The following SASH1 variants were observed in gnomAD, a reference collection of about 807,000 sequenced individuals.
SASH1 encodes the protein SAM and SH3 domain containing 1, also known as SAM and SH3 domain-containing protein 1.
A neutral mutation model predicts 125.2 loss-of-function variants in SASH1; 44 were observed. The observed-to-expected ratio is 0.35, with a 90% CI of 0.28 to 0.45. The LOEUF (loss-of-function observed/expected upper bound fraction) is 0.45, where lower values mean the gene tolerates loss of function less well. Ranked by LOEUF, SASH1 falls within the 20% of genes least tolerant of loss-of-function variation. SASH1 has a pLI of 1.00. For synonymous variants in SASH1, 639 were observed against 649.1 expected (o/e 0.98, Z 0.24); for missense variants, 1,426 against 1,614.5 (o/e 0.88, Z 2.00).
chr6:148,390,062 A>T, intron 1 of SASH1, 72 bp from the exon 2 acceptor site: 1 of 1,563,288 alleles, frequency 6.4e-7, no homozygotes, highest in Non-Finnish European at 8.7e-7. Flanking sequence ...CTCTGCGTAG[A>T]GGGAGGTCCG....
At chr6:148,547,352 C>T (rs1782633644) in intron 19 of SASH1, among the ~76,000 whole-genome samples, 1 of 152,130 alleles carries the variant, frequency 6.6e-6, no homozygotes, top group Admixed American at 6.5e-5. Flanking sequence ...TCAGGTGGGA[C>T]AGAGCTGGGT....
chr6:148,482,750 G>A (rs186502864), intron 7 of SASH1, among the ~76,000 whole-genome samples: 6 of 147,060 alleles, frequency 4.1e-5, no homozygotes, highest in Admixed American at 1.4e-4. Flanking sequence ...GTGCAGTGGC[G>A]CGATCTTGGC....
chr6:148,220,773 G>A, the SASH1 span, among the ~76,000 whole-genome samples: 1 of 152,116 alleles, frequency 6.6e-6, no homozygotes, highest in Non-Finnish European at 1.5e-5. Flanking sequence ...AAATTACCAG[G>A]CATGGTGGCA....
At position 148,544,243 on chromosome 6, in the gene SASH1, C is replaced by T. The variant is rs551667335; in HGVS notation, c.2773C>T (p.Pro925Ser). 3.1e-6 allele frequency: 5 copies of T among 1,614,178 alleles called. No homozygotes were observed. In the South Asian group the frequency reaches 3.3e-5, roughly 11 times the overall value. ...IAASGRGLSP[P>S]QCLPRNYDAQ... ...AGCCTCTGGTCGCGGCCTGTCACCC[C>T]CTCAGTGTTTGCCCAGAAACTATGA... The change falls in exon 18 of 20, where the codon CCT (proline) becomes TCT (serine). Residue 925 changes from proline (P) to serine (S), a missense_variant. Coordinates refer to ENST00000367467, the MANE Select transcript of SASH1 (RefSeq NM_015278.5). This position sits in a 1 kb window ranked among gnomAD's most constrained non-coding sequence, Gnocchi z 6.4.
chr6:148,277,109 CTAG>C (rs769275181), intron 1 of SASH1, among the ~76,000 whole-genome samples: 1 of 152,286 alleles, frequency 6.6e-6, no homozygotes. Context: ...AGTCCCATAA[CTAG>C]GATATATGGG....
At chr6:148,308,417 T>TTTAC (rs1780203295) in intron 1 of SASH1, among the ~76,000 whole-genome samples, 1 of 147,860 alleles carries the variant, frequency 6.8e-6, no homozygotes. Context: ...TTTTTTGAGA[T>TTTAC]GGAGTTTCAC....
In SASH1 at chr6:148,487,645, C is replaced by T. The variant is rs746000133; in HGVS notation, c.659C>T (p.Ser220Leu). Reference sequence around the variant, plus strand: ...GAATACGAGGCCCAGCACCGGCAGTCGGCTGCCCTGGACCCTGCTGACTGG... The same window carrying T: ...GAATACGAGGCCCAGCACCGGCAGTTGGCTGCCCTGGACCCTGCTGACTGG... ...LKEYEAQHRQSAALDPADWPD... is the reference protein window; with the variant it reads ...LKEYEAQHRQLAALDPADWPD... Residue 220 changes from serine (S) to leucine (L), a missense_variant, in exon 8 of 20, where the codon TCG becomes TTG. By Grantham distance (145) the Ser-to-Leu change is moderately radical. Around this residue, in one of 3 missense-constraint regions of SASH1, gnomAD observed 567 missense variants for 575.6 expected, o/e 0.99. Coordinates refer to ENST00000367467, the MANE Select transcript of SASH1 (RefSeq NM_015278.5). 3.7e-6 allele frequency: 6 copies of T among 1,613,432 alleles called. No homozygotes were observed. Among genetic ancestry groups the T allele is most frequent in the Admixed American group, 1.7e-5 (1 of 59,942 alleles).
upstream of SASH1, among the ~76,000 whole-genome samples, chr6:148,341,057 C>T (rs1781304724): frequency 6.6e-6 from 1 of 152,116 alleles, no homozygotes; most frequent in African/African-American, 2.4e-5. Flanking sequence ...ATTGCTTGAG[C>T]CCAGGAGTTC....
chr6:148,387,920 T>C (rs1487073951), intron 1 of SASH1, among the ~76,000 whole-genome samples: 1 of 132,530 alleles, frequency 7.5e-6, no homozygotes, highest in Non-Finnish European at 1.6e-5. Context: ...TTTTTTTTTT[T>C]TTTTTTTTTT....
chr6:148,410,267 C>T lies in SASH1; in HGVS notation c.285+20005C>T, dbSNP rs190892285. On this transcript the variant is annotated intron_variant, in intron 2 of 19. Transcript: ENST00000367467. ...CTGAGATTACAGGCGCCCGCCACCACGCCCAGCTAATTTTTGTATTTTTAG... is the reference window on the plus strand; with the variant it reads ...CTGAGATTACAGGCGCCCGCCACCATGCCCAGCTAATTTTTGTATTTTTAG... 5.2e-3 allele frequency among the ~76,000 whole-genome samples: 783 copies of T among 151,654 alleles called. 7 individuals are homozygous for T. The highest frequency in any genetic ancestry group is 0.018 in the African/African-American group (752 of 41,368).
At chr6:148,437,335 A>G (rs1204110620) in intron 2 of SASH1, among the ~76,000 whole-genome samples, 1 of 152,198 alleles carries the variant, frequency 6.6e-6, no homozygotes, top group Non-Finnish European at 1.5e-5. Context: ...TGATGACTGT[A>G]ATCTCTTATC....
chr6:148,368,783 C>CACACACACAG (rs1782591959), intron 1 of SASH1, among the ~76,000 whole-genome samples: 1 of 147,020 alleles, frequency 6.8e-6, no homozygotes, highest in African/African-American at 2.6e-5. Flanking sequence ...CACACACACA[C>CACACACACAG]ACACACACAC....
chr6:148,487,203 C>T (rs567924352), intron 7 of SASH1, among the ~76,000 whole-genome samples: 105 of 150,236 alleles, frequency 7.0e-4, no homozygotes, highest in South Asian at 6.2e-3. Flanking sequence ...CTAAAAAGGG[C>T]ATGCATGTTT....
intron 2 of SASH1, among the ~76,000 whole-genome samples, chr6:148,398,527 A>G (rs1450660440): frequency 1.3e-5 from 2 of 152,172 alleles, no homozygotes; most frequent in Non-Finnish European, 2.9e-5. Flanking sequence ...GTTTTTAAGG[A>G]ACACAGGTCT....
At chr6:148,454,477 G>C (rs1018926914) in intron 4 of SASH1, among the ~76,000 whole-genome samples, 2 of 152,216 alleles carry the variant, frequency 1.3e-5, no homozygotes, top group Non-Finnish European at 2.9e-5. Flanking sequence ...AATCGTCACA[G>C]GTTCCCATAG....
At chr6:148,309,954 A>G (rs1204528431) in intron 1 of SASH1, among the ~76,000 whole-genome samples, 3 of 152,180 alleles carry the variant, frequency 2.0e-5, no homozygotes, top group Non-Finnish European at 4.4e-5. Flanking sequence ...GAATGTAGGG[A>G]AGTCTGGCAG....
chr6:148,532,712 T>C lies in SASH1; in HGVS notation c.1565-85T>C, dbSNP rs139463472. The C allele has an allele frequency of 3.2e-4, 478 of 1,494,522 alleles. 3 individuals are homozygous for C. The East Asian group carries it at 0.01, about 32-fold the overall frequency. 92.6% of individuals were successfully genotyped at this position (1,494,522 alleles called of 1,614,324 possible). Reference sequence around the variant, plus strand: ...TTCCTTTCTCTGGGCCTTCATTTCCTAATCTGCCATACCTTCAATACCTTT... The same window carrying C: ...TTCCTTTCTCTGGGCCTTCATTTCCCAATCTGCCATACCTTCAATACCTTT... On this transcript the variant is annotated intron_variant, in intron 13 of 19. Transcript: ENST00000367467. The surrounding 1 kb of genome is among the most constrained non-coding windows in gnomAD (Gnocchi z 4.7).
the SASH1 span, among the ~76,000 whole-genome samples, chr6:148,194,217 C>G: frequency 6.6e-6 from 1 of 152,186 alleles, no homozygotes; most frequent in Non-Finnish European, 1.5e-5. Flanking sequence ...GATTCCCTGA[C>G]TTTGGTGATT....
chr6:148,355,009 T>C (rs1781874723), intron 1 of SASH1, among the ~76,000 whole-genome samples: 1 of 152,182 alleles, frequency 6.6e-6, no homozygotes, highest in East Asian at 1.9e-4. Flanking sequence ...TCCACCCACC[T>C]CTGCCTCCCA....
Sources: allele counts gnomAD v4.1 joint callset (sites outside exome capture counted in the v4.1 genomes callset), GRCh38; gene constraint gnomAD v4.1.1; regional missense constraint gnomAD v4.1.1; non-coding constraint Gnocchi (gnomAD v3.1); transcripts MANE v1.5; gene names NCBI Gene and HGNC (gene_info 2026-07-23, HGNC 2026-07-21).